NRXN1: variants seen among roughly 807,000 people sequenced by gnomAD.
NRXN1 encodes neurexin-1.
A neutral mutation model predicts 150.9 loss-of-function variants in NRXN1; 39 were observed. The ratio of observed to expected loss-of-function variants is 0.26; its 90% CI spans 0.20 to 0.34. The LOEUF (loss-of-function observed/expected upper bound fraction) is 0.34, where lower values mean the gene tolerates loss of function less well. Ranked by LOEUF, NRXN1 falls within the 10% of genes least tolerant of loss-of-function variation. The pLI is 1.00. For missense variants in NRXN1, 1,815 were observed against 1,949.9 expected (o/e 0.93, Z 1.30); for synonymous variants, 924 against 757.0 (o/e 1.22, Z -3.62).
chr2:50,627,921 G>GA (rs1419231303), intron 5 of NRXN1, among the ~76,000 whole-genome samples: 1 of 150,792 alleles, frequency 6.6e-6, no homozygotes, highest in Non-Finnish European at 1.5e-5. Flanking sequence ...GTGAAAGAAA[G>GA]AAAAAAAGAG....
intron 13 of NRXN1, among the ~76,000 whole-genome samples, chr2:50,502,985 T>G (rs946066725): frequency 1.3e-5 from 2 of 152,060 alleles, no homozygotes; most frequent in African/African-American, 4.8e-5. Flanking sequence ...TAGACAAAAG[T>G]TGTACCTGGA....
rs1385030131 is a variant in NRXN1, at chr2:50,478,987, C to T, written c.3071-6516G>A. Among the ~76,000 whole-genome samples, 4 of 152,276 alleles carry T rather than the reference C, an allele frequency of 2.6e-5. No individual in the cohort carries two copies. The East Asian group carries it at 5.8e-4, about 22-fold the overall frequency. Reference sequence around the variant, plus strand: ...AGTACTAACCTGTTACCTGGTGTCACTGTCTCCATTCAGCCTCCTCATCAA... The same window carrying T: ...AGTACTAACCTGTTACCTGGTGTCATTGTCTCCATTCAGCCTCCTCATCAA... On this transcript the variant is annotated intron_variant, in intron 15 of 22. Coordinates refer to ENST00000401669, the MANE Select transcript of NRXN1 (RefSeq NM_001330078.2).
chr2:50,433,014 C>T (rs2085106146), intron 17 of NRXN1, among the ~76,000 whole-genome samples: 1 of 152,078 alleles, frequency 6.6e-6, no homozygotes, highest in Non-Finnish European at 1.5e-5. Flanking sequence ...GAAATGAGTC[C>T]CTCAGAGAAA....
chr2:50,949,763 C>A (rs994451696), intron 2 of NRXN1, among the ~76,000 whole-genome samples: 2 of 152,154 alleles, frequency 1.3e-5, no homozygotes, highest in African/African-American at 2.4e-5. Flanking sequence ...AAGCTTTTAC[C>A]GGCACAGCCA....
chr2:50,812,278 G>A (rs906176381), intron 5 of NRXN1, among the ~76,000 whole-genome samples: 4 of 152,150 alleles, frequency 2.6e-5, no homozygotes, highest in African/African-American at 9.7e-5. Context: ...TTCTTGCCAA[G>A]ATAATTGGGA....
chr2:50,186,056 T>C (rs1398776675), intron 18 of NRXN1, among the ~76,000 whole-genome samples: 1 of 152,076 alleles, frequency 6.6e-6, no homozygotes, highest in African/African-American at 2.4e-5. Flanking sequence ...GTACAATTGA[T>C]GGAAAAACTC....
intron 17 of NRXN1, among the ~76,000 whole-genome samples, chr2:50,345,059 C>T (rs138826451): frequency 6.6e-6 from 1 of 152,278 alleles, no homozygotes; most frequent in African/African-American, 2.4e-5. Flanking sequence ...GTGGTGAGAT[C>T]ACCAGAAACT....
chr2:50,896,864 C>T (rs1682049658), intron 5 of NRXN1, among the ~76,000 whole-genome samples: 1 of 150,632 alleles, frequency 6.6e-6, no homozygotes, highest in African/African-American at 2.4e-5. Context: ...AAAAAAAATT[C>T]AGAATAGACT....
chr2:50,220,000 A>C, intron 18 of NRXN1, among the ~76,000 whole-genome samples: 1 of 39,388 alleles, frequency 2.5e-5, no homozygotes, highest in Non-Finnish European at 4.9e-5. Context: ...TATAATATAT[A>C]TTATATAATA....
chr2:50,690,987 T>C (rs1691992574), intron 5 of NRXN1, among the ~76,000 whole-genome samples: 1 of 152,212 alleles, frequency 6.6e-6, no homozygotes, highest in African/African-American at 2.4e-5. Context: ...ATTTAGGATG[T>C]TGTTTCACAA....
chr2:49,986,772 A>G (rs1419715293), intron 21 of NRXN1, among the ~76,000 whole-genome samples: 1 of 152,152 alleles, frequency 6.6e-6, no homozygotes, highest in Admixed American at 6.5e-5. Flanking sequence ...CTTTTTGAAA[A>G]TATACATTAG....
intron 9 of NRXN1, among the ~76,000 whole-genome samples, chr2:50,539,578 G>A (rs1259322862): frequency 2.0e-5 from 3 of 152,128 alleles, no homozygotes. Flanking sequence ...CATACACACT[G>A]TCAGATTACC....
intron 18 of NRXN1, among the ~76,000 whole-genome samples, chr2:50,122,684 G>A (rs1421616135): frequency 6.6e-6 from 1 of 152,202 alleles, no homozygotes; most frequent in African/African-American, 2.4e-5. Flanking sequence ...GCTCCCAGAG[G>A]TAGCATCCAT....
At chr2:50,350,804 C>T (rs769060375) in intron 17 of NRXN1, among the ~76,000 whole-genome samples, 18 of 151,996 alleles carry the variant, frequency 1.2e-4, no homozygotes, top group Non-Finnish European at 2.4e-4. Context: ...AAAGGATGGG[C>T]CAGAAATCTT....
chr2:50,591,267 GA>G (rs60581668), intron 8 of NRXN1, among the ~76,000 whole-genome samples: 46,048 of 146,238 alleles, frequency 0.31, 10,367 homozygotes, highest in African/African-American at 0.64. Flanking sequence ...CTCGACAAAG[GA>G]AAAAAAAAAA....
At chr2:50,531,163 T>A in intron 11 of NRXN1, 64 bp downstream of exon 11, 1 of 1,216,346 alleles carries the variant, frequency 8.2e-7, no homozygotes, top group Non-Finnish European at 1.1e-6. Flanking sequence ...TTGATCAATG[T>A]TTGCAGGCAA....
intron 16 of NRXN1, among the ~76,000 whole-genome samples, chr2:50,471,118 G>A (rs1573113953): frequency 6.6e-6 from 1 of 151,418 alleles, no homozygotes; most frequent in Non-Finnish European, 1.5e-5. Context: ...TTTAATTTCA[G>A]TAGCTTTAGG....
At chr2:50,737,384 T>C (rs1404707574) in intron 5 of NRXN1, among the ~76,000 whole-genome samples, 2 of 152,202 alleles carry the variant, frequency 1.3e-5, no homozygotes, top group East Asian at 1.9e-4. Flanking sequence ...GTACTGTTTA[T>C]ACACATTGTT....
At chr2:50,908,273 G>T (rs1684017663) in intron 5 of NRXN1, among the ~76,000 whole-genome samples, 2 of 151,792 alleles carry the variant, frequency 1.3e-5, no homozygotes, top group Admixed American at 1.3e-4. Context: ...AGTTCATGTG[G>T]AAAAACTTAG....
Sources: gnomAD v4.1 joint callset for allele counts (sites outside exome capture counted in the v4.1 genomes callset) on GRCh38, gnomAD v4.1.1 for gene constraint, MANE v1.5 for transcripts, NCBI Gene and HGNC (gene_info 2026-07-23, HGNC 2026-07-21) for gene names.